PAPOLA: variants seen among roughly 807,000 people sequenced by gnomAD.
PAPOLA encodes polynucleotide adenylyltransferase alpha.
Under a neutral mutation model 100.6 loss-of-function variants are expected in PAPOLA, and 15 were observed. The observed-to-expected ratio is 0.15, with a 90% CI of 0.10 to 0.23. PAPOLA has a LOEUF of 0.23. Ranked by LOEUF, PAPOLA falls within the 10% of genes least tolerant of loss-of-function variation. PAPOLA has a pLI of 1.00. For synonymous variants in PAPOLA, 293 were observed against 300.0 expected, an observed-to-expected ratio of 0.98 and a Z score of 0.24; for missense variants, 533 against 884.2, an observed-to-expected ratio of 0.60 and a Z score of 5.04.
chr14:96,518,745 A>G (rs1037116048), intron 1 of PAPOLA, among the ~76,000 whole-genome samples: 4 of 151,728 alleles, frequency 2.6e-5, no homozygotes, highest in African/African-American at 9.7e-5. Context: ...TAGAAATTGT[A>G]TTTAGAACTT....
chr14:96,537,226 T>C (rs1038262329), intron 12 of PAPOLA, 166 bp downstream of exon 12: 9 of 583,412 alleles, frequency 1.5e-5, no homozygotes, highest in Non-Finnish European at 2.8e-5. Flanking sequence ...TTGGTTGAGG[T>C]AATGAATGTG....
At chr14:96,517,549 A>G (rs1897564925) in intron 1 of PAPOLA, among the ~76,000 whole-genome samples, 1 of 152,158 alleles carries the variant, frequency 6.6e-6, no homozygotes, top group African/African-American at 2.4e-5. Context: ...TATGTCAGTG[A>G]TATCTCAATA....
At chr14:96,563,092 G>A (rs867753522) in intron 21 of PAPOLA, among the ~76,000 whole-genome samples, 199 bp downstream of exon 21, 53 of 152,168 alleles carry the variant, frequency 3.5e-4, no homozygotes, top group African/African-American at 1.2e-3. Context: ...GGACTGTTTC[G>A]ATGTTAACCC....
Position 96,560,636 on chromosome 14 carries a change from T to C in PAPOLA, c.2005-13T>C. 1 of 1,585,702 alleles carries C rather than the reference T, an allele frequency of 6.3e-7. No homozygotes were observed. On this transcript the variant is annotated splice_polypyrimidine_tract_variant and intron_variant, in intron 19 of 21. Coordinates refer to ENST00000216277, the MANE Select transcript of PAPOLA (RefSeq NM_032632.5). ...TTCATTTTAGAGAATAAAGCTTTTT[T>C]TTTTAAAAACAGGATGAAACAAGTG...
At chr14:96,516,252 A>G (rs1444787194) in intron 1 of PAPOLA, among the ~76,000 whole-genome samples, 1 of 152,190 alleles carries the variant, frequency 6.6e-6, no homozygotes, top group African/African-American at 2.4e-5. Flanking sequence ...AGACACAAGT[A>G]TCTTGTAAAT....
chr14:96,511,579 A>G (rs1319720803), intron 1 of PAPOLA, among the ~76,000 whole-genome samples: 1 of 152,086 alleles, frequency 6.6e-6, no homozygotes, highest in African/African-American at 2.4e-5. Flanking sequence ...TGTTTCTTTA[A>G]TGGTTTTTTT....
intron 21 of PAPOLA, among the ~76,000 whole-genome samples, chr14:96,563,704 A>G (rs1902054145): frequency 1.3e-5 from 2 of 152,168 alleles, no homozygotes; most frequent in African/African-American, 4.8e-5. Context: ...GCTAGATGTT[A>G]ACTTTTATTG....
intron 6 of PAPOLA, among the ~76,000 whole-genome samples, chr14:96,529,042 G>A (rs1898757167): frequency 6.6e-6 from 1 of 152,150 alleles, no homozygotes; most frequent in Non-Finnish European, 1.5e-5. Context: ...AAACTTTACA[G>A]GATCAAGATG....
intron 4 of PAPOLA, chr14:96,526,710 C>G (rs1047756001): frequency 3.9e-5 from 6 of 152,544 alleles, no homozygotes; most frequent in Non-Finnish European, 7.3e-5. Flanking sequence ...TTTCCTCTCT[C>G]CATCTCCCAT....
At chr14:96,563,381 C>G (rs1249388473) in intron 21 of PAPOLA, among the ~76,000 whole-genome samples, 2 of 152,122 alleles carry the variant, frequency 1.3e-5, no homozygotes, top group African/African-American at 4.8e-5. Flanking sequence ...CCTAGCAATT[C>G]TACTTGTGAC....
intron 3 of PAPOLA, among the ~76,000 whole-genome samples, chr14:96,521,572 C>G (rs1897967340): frequency 6.6e-6 from 1 of 152,014 alleles, no homozygotes; most frequent in South Asian, 2.1e-4. Flanking sequence ...GCACTGTAAC[C>G]TGAAATTCCT....
chr14:96,532,170 G>T (rs1899077710), intron 7 of PAPOLA, 161 bp from the exon 8 acceptor site: 1 of 1,401,128 alleles, frequency 7.1e-7, no homozygotes, highest in African/African-American at 1.5e-5. Flanking sequence ...TAGCTTTACT[G>T]GTTCTACCAA....
intron 1 of PAPOLA, among the ~76,000 whole-genome samples, chr14:96,515,977 G>A (rs1484928722): frequency 6.6e-6 from 1 of 152,180 alleles, no homozygotes; most frequent in Non-Finnish European, 1.5e-5. Context: ...GCATATGTAA[G>A]GCAGAAGAAT....
At chr14:96,507,214 A>G (rs1402277407) in intron 1 of PAPOLA, among the ~76,000 whole-genome samples, 4 of 152,112 alleles carry the variant, frequency 2.6e-5, no homozygotes, top group Non-Finnish European at 5.9e-5. Flanking sequence ...GTTTAGCCAG[A>G]ATTAAAGAGA....
chr14:96,514,192 T>C (rs1595501778), intron 1 of PAPOLA, among the ~76,000 whole-genome samples: 1 of 151,938 alleles, frequency 6.6e-6, no homozygotes, highest in East Asian at 1.9e-4. Context: ...TTTTTTTTTT[T>C]TTTTGAGACT....
intron 15 of PAPOLA, 98 bp from the exon 16 acceptor site, chr14:96,547,699 G>T (rs1259287179): frequency 7.9e-6 from 7 of 880,838 alleles, no homozygotes; most frequent in Non-Finnish European, 1.2e-5. Context: ...CAGTATTGAT[G>T]GAAAAAGGAT....
chr14:96,532,368 A>C lies in PAPOLA; in HGVS notation c.645A>C (p.Pro215=). Residue 215 remains proline, a synonymous_variant, in exon 8 of 22, where the codon CCA becomes CCC. Coordinates refer to ENST00000216277, the MANE Select transcript of PAPOLA (RefSeq NM_032632.5). ...RVTDEILHLV[P]NIDNFRLTLR... ...CCGATGAAATTTTACATCTAGTACC[A>C]AACATTGACAACTTCAGGTTAACTC... 1 of 1,613,564 alleles carries C rather than the reference A, an allele frequency of 6.2e-7. No individual in the cohort carries two copies. Among genetic ancestry groups the C allele is most frequent in the African/African-American group, 1.3e-5 (1 of 74,940 alleles).
intron 12 of PAPOLA, 115 bp from the exon 13 acceptor site, chr14:96,542,128 C>A: frequency 1.8e-6 from 1 of 564,838 alleles, no homozygotes; most frequent in Non-Finnish European, 3.2e-6. Flanking sequence ...ATTGTAGTCC[C>A]CCTTGCTAAA....
chr14:96,510,972 A>T (rs978077662), intron 1 of PAPOLA, among the ~76,000 whole-genome samples: 8 of 152,226 alleles, frequency 5.3e-5, no homozygotes, highest in Admixed American at 5.2e-4. Context: ...TTTTCTGTTC[A>T]TGTCCTTTGA....
Sources: allele counts gnomAD v4.1 joint callset (sites outside exome capture counted in the v4.1 genomes callset), GRCh38; gene constraint gnomAD v4.1.1; transcripts MANE v1.5; gene names NCBI Gene and HGNC (gene_info 2026-07-23, HGNC 2026-07-21).